The following SLC12A9 variants were observed in gnomAD, a reference collection of about 807,000 sequenced individuals.
SLC12A9 encodes the protein CCC-interacting protein 1.
A neutral mutation model predicts 66.0 loss-of-function variants in SLC12A9; 55 were observed. The ratio of observed to expected loss-of-function variants is 0.83; its 90% CI spans 0.67 to 1.04. The LOEUF (loss-of-function observed/expected upper bound fraction) is 1.04, where lower values mean the gene tolerates loss of function less well. SLC12A9 is among the 50% of genes least tolerant of loss of function. The probability of loss-of-function intolerance (pLI) is 0.00; values close to 1 mark genes in which losing one functional copy is unlikely to be tolerated. For missense variants in SLC12A9, 1,061 were observed against 1,241.9 expected, an observed-to-expected ratio of 0.85 and a Z score of 2.19; for synonymous variants, 577 against 569.0, an observed-to-expected ratio of 1.01 and a Z score of -0.20.
intron 1 of SLC12A9, among the ~76,000 whole-genome samples, chr7:100,842,373 A>T (rs558784593): frequency 2.1e-4 from 32 of 152,338 alleles, no homozygotes; most frequent in Admixed American, 5.2e-4. Flanking sequence ...AGGACTTGCC[A>T]AGTCAAAGAC....
Position 100,854,756 on chromosome 7 carries a change from T to A in SLC12A9, c.316+2T>A. On this transcript the variant is annotated splice_donor_variant, in intron 3 of 13. Coordinates refer to ENST00000354161, the MANE Select transcript of SLC12A9 (RefSeq NM_020246.4). LOFTEE classifies it high-confidence loss of function. Reference sequence around the variant, plus strand: ...CCGTGCAGGGGGGCGGAGCCTACTGTATCCTCCAACATCGATGGACTGGGG... The same window carrying A: ...CCGTGCAGGGGGGCGGAGCCTACTGAATCCTCCAACATCGATGGACTGGGG... 6.2e-7 allele frequency: 1 copy of A among 1,613,930 alleles called. No homozygotes were observed. Among genetic ancestry groups the A allele is most frequent in the Non-Finnish European group, 8.5e-7 (1 of 1,179,990 alleles).
At chr7:100,834,811 TGTA>T (rs1412252926) in intron 1 of SLC12A9, among the ~76,000 whole-genome samples, 2 of 152,076 alleles carry the variant, frequency 1.3e-5, no homozygotes, top group African/African-American at 4.8e-5. Flanking sequence ...AGGCAGAGGT[TGTA>T]GTGAGATTGC....
chr7:100,865,519 A>G (rs1815021465), intron 13 of SLC12A9, 200 bp from the exon 14 acceptor site: 1 of 1,541,566 alleles, frequency 6.5e-7, no homozygotes, highest in Admixed American at 2.0e-5. Context: ...GAGATAATAA[A>G]ATAAATGCAT....
chr7:100,827,067 T>TG (rs1404689846), intron 1 of SLC12A9: 36 of 1,556,928 alleles, frequency 2.3e-5, no homozygotes, highest in Non-Finnish European at 2.7e-5. Context: ...GAACTGAGTT[T>TG]GGGGGGCCCT....
In SLC12A9 at chr7:100,865,983, CT is replaced by C. The variant is rs1254765757; in HGVS notation, c.2124del (p.Glu709SerfsTer3). 1.9e-6 allele frequency: 3 copies of C among 1,612,686 alleles called. No individual in the cohort carries two copies. The highest frequency in any genetic ancestry group is 1.3e-5 in the African/African-American group (1 of 74,940). ...GCCCGGGCCAGCGGGGCCTTGCCCCCTGAGCGGCTGAGCCGGGGGTCTGGGG... is the reference window on the plus strand; with the variant it reads ...GCCCGGGCCAGCGGGGCCTTGCCCCCGAGCGGCTGAGCCGGGGGTCTGGGG... The part of the protein sequence containing the change: ...VLARASGALP[P>X]ERLSRGSGGT... On this transcript the variant is annotated frameshift_variant, in exon 14 of 14. Transcript: ENST00000354161. LOFTEE classifies it high-confidence loss of function.
rs767567398 is a variant in SLC12A9, at chr7:100,862,706, G to A, written c.1737G>A (p.Gln579=). The change falls in exon 13 of 14, where the codon CAG becomes CAA. Residue 579 remains glutamine (Q), a synonymous_variant. Coordinates refer to ENST00000354161, the MANE Select transcript of SLC12A9 (RefSeq NM_020246.4). The part of the protein sequence containing the change: ...DLDSLPSDPV[Q]PQYGAWLSLV... ...ACTCCCTGCCCTCGGACCCTGTACA[G>A]CCGCAGTATGGGGCATGGCTCAGCC... The A allele has an allele frequency of 6.2e-7, 1 of 1,614,212 alleles. No individual in the cohort carries two copies. The highest frequency in any genetic ancestry group is 8.5e-7 in the Non-Finnish European group (1 of 1,180,040).
chr7:100,828,691 C>T (rs550112075), intron 1 of SLC12A9, among the ~76,000 whole-genome samples: 38 of 152,028 alleles, frequency 2.5e-4, no homozygotes, highest in African/African-American at 9.2e-4. Flanking sequence ...ACCCCTGAGG[C>T]TGGGGCTGCG....
chr7:100,827,084 C>A (rs929324650), intron 1 of SLC12A9: 3 of 1,543,542 alleles, frequency 1.9e-6, no homozygotes, highest in Non-Finnish European at 2.6e-6. Flanking sequence ...CCCTCGCCCC[C>A]CCAGGTCTGA....
At position 100,855,556 on chromosome 7, in the gene SLC12A9, G is replaced by T. The variant is rs550064042; in HGVS notation, c.317-150G>T. 345 of 941,408 alleles carry T rather than the reference G, an allele frequency of 3.7e-4. 1 individual carries two copies. In the Admixed American group the frequency reaches 6.8e-3, roughly 19 times the overall value. The allele number at this position is 941,408 out of a possible 1,614,324, so 58.3% of individuals were successfully genotyped here. On this transcript the variant is annotated intron_variant, in intron 3 of 13. Transcript: ENST00000354161. ...AGGCAGTGATTGTTTTACAGATGCA[G>T]AAACTGGCACTCAGAGGATATGAGT...
chr7:100,865,278 C>T (rs1814999986), intron 13 of SLC12A9: 4 of 1,535,588 alleles, frequency 2.6e-6, no homozygotes, highest in South Asian at 1.2e-5. Context: ...TTTCATCTTC[C>T]CATTGCAGAG....
intron 1 of SLC12A9, among the ~76,000 whole-genome samples, chr7:100,838,158 G>A (rs573139198): frequency 1.3e-5 from 2 of 151,784 alleles, no homozygotes; most frequent in South Asian, 4.2e-4. Context: ...ACCGCACCCG[G>A]CTATTTCAAG....
upstream of SLC12A9, among the ~76,000 whole-genome samples, chr7:100,848,080 T>A (rs1813956303): frequency 1.4e-5 from 1 of 72,604 alleles, no homozygotes; most frequent in African/African-American, 5.8e-5. Context: ...AGTGACTCCA[T>A]CTCAAAAAAA....
chr7:100,831,317 G>A (rs1369432519), intron 1 of SLC12A9, among the ~76,000 whole-genome samples: 1 of 152,158 alleles, frequency 6.6e-6, no homozygotes, highest in African/African-American at 2.4e-5. Context: ...CTCCCAGGTA[G>A]CTGGGATTAC....
At chr7:100,850,938 A>T (rs1424417112), upstream of SLC12A9, among the ~76,000 whole-genome samples, 3 of 151,916 alleles carry the variant, frequency 2.0e-5, no homozygotes, top group African/African-American at 7.3e-5. Context: ...CAGGATGGTC[A>T]CAATCTCCTG....
chr7:100,830,122 C>T (rs1813513977), intron 1 of SLC12A9, among the ~76,000 whole-genome samples: 1 of 152,018 alleles, frequency 6.6e-6, no homozygotes, highest in Non-Finnish European at 1.5e-5. Flanking sequence ...GAGGCCGAGG[C>T]AGGCGGATCA....
chr7:100,845,178 G>GA (rs1813881394), intron 1 of SLC12A9, among the ~76,000 whole-genome samples: 3 of 151,226 alleles, frequency 2.0e-5, no homozygotes, highest in African/African-American at 4.9e-5. Flanking sequence ...ACCACACAGA[G>GA]AAAAATCCAT....
chr7:100,865,880 AG>A lies in SLC12A9; in HGVS notation c.2021del (p.Ser674ThrfsTer20), dbSNP rs1400513952. The A allele has an allele frequency of 1.2e-6, 2 of 1,613,500 alleles. No individual in the cohort carries two copies. The highest frequency in any genetic ancestry group is 3.3e-5 in the Admixed American group (2 of 60,018). On this transcript the variant is annotated frameshift_variant, in exon 14 of 14. Transcript: ENST00000354161. LOFTEE classifies it high-confidence loss of function. ...GTTCCCTCCTCCCCGGGCTCCTGGG[AG>A]CCCCCGGGCCCTCAATCCCCAGGAC... ...TLFPPPRAPGSPRALNPQDYV... is the reference protein window; with the variant it reads ...TLFPPPRAPGXPRALNPQDYV...
chr7:100,861,760 G>A lies in SLC12A9; in HGVS notation c.1560G>A (p.Leu520=), dbSNP rs139020194. The change falls in exon 12 of 14, where the codon CTG becomes CTA. Residue 520 remains leucine, a synonymous_variant. Coordinates refer to ENST00000354161, the MANE Select transcript of SLC12A9 (RefSeq NM_020246.4). This position sits in a 1 kb window ranked among gnomAD's most constrained non-coding sequence, Gnocchi z 5.3. ...FHQVRKYLLR[L]DVRKDHVKFW... is the part of the protein sequence containing the mutation. ...AGGTGCGTAAGTATCTGCTTCGGCT[G>A]GACGTCCGGAAGGATCACGTGAAGT... 3.1e-6 allele frequency: 5 copies of A among 1,614,028 alleles called. No individual in the cohort carries two copies. In the African/African-American group the frequency reaches 6.7e-5, roughly 22 times the overall value.
intron 1 of SLC12A9, among the ~76,000 whole-genome samples, chr7:100,844,200 T>C (rs1306103162): frequency 6.6e-6 from 1 of 152,230 alleles, no homozygotes; most frequent in African/African-American, 2.4e-5. Flanking sequence ...GCTATGGTCC[T>C]ATTATTTTAC....
Sources: gnomAD v4.1 joint callset for allele counts (sites outside exome capture counted in the v4.1 genomes callset) on GRCh38, gnomAD v4.1.1 for gene constraint, Gnocchi (gnomAD v3.1) non-coding constraint, MANE v1.5 for transcripts, NCBI Gene and HGNC (gene_info 2026-07-23, HGNC 2026-07-21) for gene names.